SLC26A3: variants seen among roughly 807,000 people sequenced by gnomAD.
The protein encoded by SLC26A3 is solute carrier family 26 member 3, also known as chloride anion exchanger.
In SLC26A3, 64 loss-of-function variants were observed where a neutral mutation model predicts 85.6. The observed-to-expected ratio is 0.75, with a 90% confidence interval of 0.61 to 0.92. SLC26A3 has a LOEUF of 0.92. Among genes scored for constraint, SLC26A3 ranks in the 40% least tolerant of loss-of-function variants. SLC26A3 has a pLI of 0.00. For missense variants in SLC26A3, 922 were observed against 927.3 expected (o/e 0.99, Z 0.07); for synonymous variants, 349 against 336.0 (o/e 1.04, Z -0.42).
chr7:107,802,606 A>G (rs1794617824), intron 1 of SLC26A3, among the ~76,000 whole-genome samples: 1 of 151,902 alleles, frequency 6.6e-6, no homozygotes, highest in African/African-American at 2.4e-5. Context: ...GGGCTAAGCT[A>G]TCCTCCTGCT....
intron 17 of SLC26A3, among the ~76,000 whole-genome samples, chr7:107,772,952 T>A (rs1431190884): frequency 9.9e-5 from 15 of 152,218 alleles, no homozygotes; most frequent in Admixed American, 6.5e-4. Flanking sequence ...ATAGGTCTTA[T>A]CTTAGGTCAG....
chr7:107,770,070 T>C (rs1793992605), intron 18 of SLC26A3, among the ~76,000 whole-genome samples: 1 of 147,800 alleles, frequency 6.8e-6, no homozygotes, highest in Non-Finnish European at 1.5e-5. Context: ...TCTTTTTCTT[T>C]CTCTCTTTTT....
At chr7:107,773,853 C>G (rs765374182) in intron 17 of SLC26A3, 67 bp downstream of exon 17, 1 of 1,366,820 alleles carries the variant, frequency 7.3e-7, no homozygotes, top group Non-Finnish European at 1.0e-6. Flanking sequence ...GCCCAGCCCA[C>G]AAATACAATT....
chr7:107,796,291 G>T (rs1794498399), intron 1 of SLC26A3, among the ~76,000 whole-genome samples: 1 of 151,930 alleles, frequency 6.6e-6, no homozygotes, highest in Admixed American at 6.6e-5. Context: ...TTTCAGTAGA[G>T]GCAGGGATCT....
intron 1 of SLC26A3, 91 bp from the exon 2 acceptor site, chr7:107,794,688 C>T: frequency 1.5e-6 from 1 of 657,460 alleles, no homozygotes; most frequent in Non-Finnish European, 2.7e-6. Context: ...ATGTTACCAC[C>T]TTTTAAGATC....
intron 17 of SLC26A3, among the ~76,000 whole-genome samples, chr7:107,773,554 GT>G (rs946039840): frequency 2.0e-5 from 3 of 151,958 alleles, no homozygotes; most frequent in Non-Finnish European, 4.4e-5. Flanking sequence ...CACAAATACA[GT>G]TTTTTTTGTT....
chr7:107,772,630 G>T (rs1794045238), intron 17 of SLC26A3, among the ~76,000 whole-genome samples: 1 of 152,144 alleles, frequency 6.6e-6, no homozygotes, highest in African/African-American at 2.4e-5. Context: ...AGCTTATATT[G>T]TTTGATCAGG....
At chr7:107,776,160 A>G (rs1245750139) in intron 15 of SLC26A3, 2 of 440,268 alleles carry the variant, frequency 4.5e-6, no homozygotes, top group Non-Finnish European at 8.3e-6. Flanking sequence ...GATGACATCT[A>G]CTAAAAGCTA....
intron 3 of SLC26A3, among the ~76,000 whole-genome samples, chr7:107,792,349 A>G (rs1032177539): frequency 4.6e-5 from 7 of 152,036 alleles, no homozygotes; most frequent in Non-Finnish European, 8.8e-5. Flanking sequence ...TAATTATACA[A>G]TTCACCATAA....
chr7:107,765,665 A>G lies in SLC26A3; in HGVS notation c.*190T>C. ...GATAAAGCTACAAGATATAAAATTT[A>G]GAATACTTATATAATTTCATACTAG... is the stretch of plus-strand genomic sequence containing the variant. On this transcript the variant is annotated 3_prime_UTR_variant, in exon 21 of 21. Transcript: ENST00000340010. The G allele has an allele frequency of 1.9e-6, 1 of 532,642 alleles. No homozygotes were observed. The highest frequency in any genetic ancestry group is 3.3e-6 in the Non-Finnish European group (1 of 298,904). 33.0% of individuals were successfully genotyped at this position (532,642 alleles called of 1,614,324 possible). A position where few individuals can be genotyped will look rare whatever the true frequency, so the allele number is the denominator to read the frequency against.
chr7:107,799,244 T>G (rs1182817821), intron 1 of SLC26A3, among the ~76,000 whole-genome samples: 1 of 152,132 alleles, frequency 6.6e-6, no homozygotes, highest in African/African-American at 2.4e-5. Context: ...AAGAAGGAAG[T>G]CAAACCTAAA....
At position 107,789,565 on chromosome 7, in the gene SLC26A3, A is replaced by G. The variant is rs2115867351; in HGVS notation, c.694T>C (p.Leu232=). ...LVSQLKFIFQ[L]TVPSHTDPVS... ...GGATCAGTGTGTGACGGGACTGTCA[A>G]CTGAAAAATGAATTTGAGTTGGGAA... Residue 232 remains leucine (L), a synonymous_variant, in exon 6 of 21, where the codon TTG becomes CTG. Transcript: ENST00000340010. 6.2e-7 allele frequency: 1 copy of G among 1,614,156 alleles called. No homozygotes were observed. The highest frequency in any genetic ancestry group is 1.6e-4 in the Middle Eastern group (1 of 6,062).
At chr7:107,802,656 T>A (rs546440749) in intron 1 of SLC26A3, among the ~76,000 whole-genome samples, 1 of 151,842 alleles carries the variant, frequency 6.6e-6, no homozygotes, top group East Asian at 1.9e-4. Context: ...TACATATCCC[T>A]ATGCCTGGCT....
At chr7:107,790,413 A>C (rs1010093632) in intron 5 of SLC26A3, among the ~76,000 whole-genome samples, 2 of 152,250 alleles carry the variant, frequency 1.3e-5, no homozygotes, top group Non-Finnish European at 2.9e-5. Context: ...ACGCATGCTT[A>C]TGTCCTTGTA....
intron 1 of SLC26A3, among the ~76,000 whole-genome samples, chr7:107,799,006 T>A (rs1439981628): frequency 6.6e-6 from 1 of 151,916 alleles, no homozygotes; most frequent in African/African-American, 2.4e-5. Context: ...GCCAGAGGAA[T>A]CAGAAATCAA....
At chr7:107,782,036 C>T (rs1439425216) in intron 11 of SLC26A3, among the ~76,000 whole-genome samples, 3 of 152,072 alleles carry the variant, frequency 2.0e-5, no homozygotes, top group African/African-American at 4.8e-5. Flanking sequence ...AAATGTGGCG[C>T]TTGAGGTTCA....
At position 107,769,951 on chromosome 7, in the gene SLC26A3, A is replaced by G. The variant is rs142010415; in HGVS notation, c.2063-2043T>C. On this transcript the variant is annotated intron_variant, in intron 18 of 20. Transcript: ENST00000340010. The stretch of plus-strand genomic sequence containing the variant: ...GTCATATTGCTGGACATCCCTGATC[A>G]CCAGTTTTTCTTTCTGCCTCCCTCC... Among the ~76,000 whole-genome samples the G allele has an allele frequency of 8.7e-4, 132 of 151,592 alleles. 1 individual carries two copies. Among genetic ancestry groups the G allele is most frequent in the African/African-American group, 2.8e-3 (117 of 41,404 alleles).
At chr7:107,769,971 C>T (rs2115791623) in intron 18 of SLC26A3, among the ~76,000 whole-genome samples, 1 of 144,226 alleles carries the variant, frequency 6.9e-6, no homozygotes, top group African/African-American at 2.5e-5. Flanking sequence ...CTTTCTGCCT[C>T]CCTCCCTCCC....
At chr7:107,785,361 A>C (rs374199930) in intron 8 of SLC26A3, among the ~76,000 whole-genome samples, 2 of 152,222 alleles carry the variant, frequency 1.3e-5, no homozygotes, top group Admixed American at 6.5e-5. Flanking sequence ...ACTAGGTTAC[A>C]CTGCCACTCT....
Sources: allele counts gnomAD v4.1 joint callset (sites outside exome capture counted in the v4.1 genomes callset), GRCh38; gene constraint gnomAD v4.1.1; transcripts MANE v1.5; gene names NCBI Gene and HGNC (gene_info 2026-07-23, HGNC 2026-07-21).